Variants in RGL1 observed in about 807,000 individuals in gnomAD.
RGL1 encodes ral guanine nucleotide dissociation stimulator-like 1.
A neutral mutation model predicts 95.2 loss-of-function variants in RGL1; 24 were observed. The observed-to-expected ratio is 0.25, with a 90% CI of 0.18 to 0.35. The LOEUF (loss-of-function observed/expected upper bound fraction) is 0.35. RGL1 is among the 10% of genes least tolerant of loss of function. RGL1 has a pLI of 1.00. For missense variants in RGL1, 715 were observed against 936.3 expected (o/e 0.76, Z 3.08); for synonymous variants, 329 against 344.9 (o/e 0.95, Z 0.51).
chr1:183,849,518 A>G (rs1246128602), intron 3 of RGL1, among the ~76,000 whole-genome samples: 3 of 104,704 alleles, frequency 2.9e-5, no homozygotes, highest in Admixed American at 1.5e-4. Flanking sequence ...TTGAGATGGC[A>G]TCTCGCTCTG....
intron 1 of RGL1, among the ~76,000 whole-genome samples, chr1:183,725,479 A>C (rs1656260527): frequency 6.6e-6 from 1 of 152,210 alleles, no homozygotes; most frequent in South Asian, 2.1e-4. Flanking sequence ...GTCTATAAAA[A>C]TTTATTTAAA....
chr1:183,650,498 C>G (rs905812053), intron 1 of RGL1, among the ~76,000 whole-genome samples: 2 of 152,036 alleles, frequency 1.3e-5, no homozygotes, highest in Non-Finnish European at 2.9e-5. Flanking sequence ...AGCCAACATC[C>G]CACCACTGCA....
intron 2 of RGL1, among the ~76,000 whole-genome samples, chr1:183,840,046 C>T (rs973441939): frequency 3.3e-5 from 5 of 152,090 alleles, no homozygotes; most frequent in African/African-American, 7.2e-5. Context: ...TTGGATGAAA[C>T]GGGTATGATC....
intron 2 of RGL1, among the ~76,000 whole-genome samples, chr1:183,774,574 C>CT (rs61380355): frequency 8.9e-5 from 9 of 100,908 alleles, no homozygotes; most frequent in Admixed American, 3.2e-4. Context: ...TTCTTTTTTC[C>CT]TTTTTTTTTT....
At chr1:183,637,537 CA>C (rs1268753024) in intron 1 of RGL1, among the ~76,000 whole-genome samples, 2 of 151,730 alleles carry the variant, frequency 1.3e-5, no homozygotes, top group Non-Finnish European at 2.9e-5. Context: ...TCTTTAAGTT[CA>C]AAAAAATACA....
chr1:183,751,256 C>T (rs950468556), intron 2 of RGL1, among the ~76,000 whole-genome samples: 1 of 152,240 alleles, frequency 6.6e-6, no homozygotes, highest in African/African-American at 2.4e-5. Context: ...CAGAGATACC[C>T]TGCCCAGAGA....
chr1:183,906,913 T>C (rs1471603909), intron 13 of RGL1, 99 bp from the exon 14 acceptor site: 5 of 738,100 alleles, frequency 6.8e-6, no homozygotes, highest in Non-Finnish European at 1.2e-5. Context: ...TTTGAACAAT[T>C]AGAGCCTTCT....
At chr1:183,788,663 A>G (rs1281535585) in intron 2 of RGL1, among the ~76,000 whole-genome samples, 3 of 152,218 alleles carry the variant, frequency 2.0e-5, no homozygotes, top group Non-Finnish European at 4.4e-5. Context: ...GGCCCTTGAC[A>G]GAGGATTATT....
intron 1 of RGL1, among the ~76,000 whole-genome samples, chr1:183,687,785 C>T (rs1380528715): frequency 6.6e-6 from 1 of 152,062 alleles, no homozygotes; most frequent in East Asian, 1.9e-4. Flanking sequence ...AAGAGGAACT[C>T]GATACCGGGC....
At chr1:183,682,854 G>A (rs1378107557) in intron 1 of RGL1, among the ~76,000 whole-genome samples, 1 of 152,152 alleles carries the variant, frequency 6.6e-6, no homozygotes, top group African/African-American at 2.4e-5. Context: ...AGGTGCTCTT[G>A]TATTGGGTGC....
upstream of RGL1, among the ~76,000 whole-genome samples, chr1:183,803,697 G>T (rs1661113687): frequency 6.6e-6 from 1 of 152,172 alleles, no homozygotes; most frequent in South Asian, 2.1e-4. Context: ...TAGTGGTGAA[G>T]TTAATCTTAC....
At chr1:183,864,788 G>T (rs917679026) in intron 3 of RGL1, among the ~76,000 whole-genome samples, 1 of 152,214 alleles carries the variant, frequency 6.6e-6, no homozygotes, top group Non-Finnish European at 1.5e-5. Context: ...GGATGGGTGA[G>T]CTGGTGCCTA....
intron 2 of RGL1, among the ~76,000 whole-genome samples, chr1:183,810,625 G>T (rs1661642725): frequency 6.6e-6 from 1 of 152,178 alleles, no homozygotes. Context: ...GCAAATTGTG[G>T]CCAATCATGG....
chr1:183,880,129 C>T (rs1232555816), intron 4 of RGL1, among the ~76,000 whole-genome samples: 1 of 152,184 alleles, frequency 6.6e-6, no homozygotes, highest in African/African-American at 2.4e-5. Flanking sequence ...TGATCCTTGT[C>T]AACTTGAATT....
intron 1 of RGL1, among the ~76,000 whole-genome samples, chr1:183,685,712 G>A (rs1442314798): frequency 2.0e-5 from 3 of 152,174 alleles, no homozygotes; most frequent in Non-Finnish European, 4.4e-5. Flanking sequence ...AGCATGGCAA[G>A]TATATGATCA....
intron 3 of RGL1, among the ~76,000 whole-genome samples, chr1:183,861,873 G>A (rs1401941398): frequency 6.6e-6 from 1 of 152,104 alleles, no homozygotes; most frequent in Non-Finnish European, 1.5e-5. Context: ...AATTGAACTT[G>A]ACTTTGAGTT....
At chr1:183,659,856 C>A (rs2102021137) in intron 1 of RGL1, among the ~76,000 whole-genome samples, 1 of 150,774 alleles carries the variant, frequency 6.6e-6, no homozygotes, top group African/African-American at 2.5e-5. Context: ...AACAGTGGAT[C>A]TCTCGGCAGA....
chr1:183,738,418 C>T (rs1657078031), intron 1 of RGL1, among the ~76,000 whole-genome samples: 1 of 149,080 alleles, frequency 6.7e-6, no homozygotes, highest in Non-Finnish European at 1.5e-5. Flanking sequence ...AAGACTCCGT[C>T]TAAAAAAAAA....
In RGL1 at chr1:183,806,364, G is replaced by T. The variant is rs201584688; in HGVS notation, c.28-11G>T. 6.2e-7 allele frequency: 1 copy of T among 1,603,866 alleles called. No individual in the cohort carries two copies. Among genetic ancestry groups the T allele is most frequent in the South Asian group, 1.1e-5 (1 of 90,794 alleles). ...TACTCTTTTTCTTTCTCTTTATCCC[G>T]TCCCTGGCAGAGCTCGATTCAGGAC... On this transcript the variant is annotated splice_polypyrimidine_tract_variant and intron_variant, in intron 1 of 17. Coordinates refer to ENST00000360851, the MANE Select transcript of RGL1 (RefSeq NM_001297671.3).
Sources: gnomAD v4.1 joint callset for allele counts (sites outside exome capture counted in the v4.1 genomes callset) on GRCh38, gnomAD v4.1.1 for gene constraint, MANE v1.5 for transcripts, NCBI Gene and HGNC (gene_info 2026-07-23, HGNC 2026-07-21) for gene names.